Variants in CNTN5 observed in about 807,000 individuals in gnomAD.
CNTN5 encodes contactin-5.
A neutral mutation model predicts 129.1 loss-of-function variants in CNTN5; 77 were observed. The ratio of observed to expected loss-of-function variants is 0.60; its 90% CI spans 0.50 to 0.72. The LOEUF is 0.72. Ranked by LOEUF, CNTN5 falls within the 30% of genes least tolerant of loss-of-function variation. The pLI, the probability that CNTN5 is intolerant of heterozygous loss-of-function variation, is 0.00. For missense variants in CNTN5, 1,478 were observed against 1,328.8 expected, an observed-to-expected ratio of 1.11 and a Z score of -1.75; for synonymous variants, 509 against 465.6, an observed-to-expected ratio of 1.09 and a Z score of -1.20.
At chr11:99,862,499 G>C (rs1021376685) in intron 6 of CNTN5, among the ~76,000 whole-genome samples, 7 of 151,824 alleles carry the variant, frequency 4.6e-5, no homozygotes, top group Non-Finnish European at 1.0e-4. Context: ...GCACAGTATT[G>C]TACAAAGGAG....
chr11:100,167,800 T>G (rs2138392405), intron 13 of CNTN5, among the ~76,000 whole-genome samples: 1 of 152,066 alleles, frequency 6.6e-6, no homozygotes, highest in Admixed American at 6.6e-5. Context: ...GTGATTAAAC[T>G]TGTTGAAGAA....
intron 8 of CNTN5, among the ~76,000 whole-genome samples, chr11:99,991,847 C>A (rs1281207856): frequency 1.3e-5 from 2 of 152,126 alleles, no homozygotes. Context: ...GCTGCCCATT[C>A]ATGAATCACT....
At chr11:100,029,561 C>T (rs112363360) in intron 9 of CNTN5, among the ~76,000 whole-genome samples, 2,894 of 151,520 alleles carry the variant, frequency 0.019, 53 homozygotes, top group Non-Finnish European at 0.029. Flanking sequence ...CCAGCCTGGG[C>T]AACAGCGAGA....
intron 1 of CNTN5, among the ~76,000 whole-genome samples, chr11:99,200,091 A>G (rs1198887121): frequency 6.6e-6 from 1 of 152,040 alleles, no homozygotes; most frequent in Non-Finnish European, 1.5e-5. Flanking sequence ...CTGTGGTTAT[A>G]CTTTCAGATT....
At chr11:100,065,282 TCTA>T (rs1372835403) in intron 10 of CNTN5, among the ~76,000 whole-genome samples, 3 of 152,096 alleles carry the variant, frequency 2.0e-5, no homozygotes, top group Non-Finnish European at 4.4e-5. Context: ...TTCAAAATAG[TCTA>T]CTTTTTTTTT....
chr11:99,873,150 A>G (rs1248866674), intron 6 of CNTN5, among the ~76,000 whole-genome samples: 1 of 152,074 alleles, frequency 6.6e-6, no homozygotes, highest in Non-Finnish European at 1.5e-5. Context: ...CCACATCCCA[A>G]TCTCAGACCT....
At chr11:99,083,909 G>T (rs1865901729) in intron 1 of CNTN5, among the ~76,000 whole-genome samples, 1 of 152,128 alleles carries the variant, frequency 6.6e-6, no homozygotes, top group South Asian at 2.1e-4. Flanking sequence ...CCTTAATGTA[G>T]ATTTCTGGCA....
At chr11:99,618,842 A>G (rs1340474624) in intron 3 of CNTN5, among the ~76,000 whole-genome samples, 1 of 152,124 alleles carries the variant, frequency 6.6e-6, no homozygotes, top group African/African-American at 2.4e-5. Context: ...CCATAAATAA[A>G]TGCATACACC....
In CNTN5 at chr11:99,819,729, A is replaced by G. The variant is rs764702381; in HGVS notation, c.241A>G (p.Asn81Asp). The G allele has an allele frequency of 5.0e-6, 8 of 1,609,396 alleles. No individual in the cohort carries two copies. In the South Asian group the frequency reaches 6.6e-5, roughly 13 times the overall value. The change falls in exon 4 of 25, where the codon AAT becomes GAT. Residue 81 changes from asparagine to aspartate, a missense_variant. Asn to Asp is a conservative substitution (Grantham distance 23, BLOSUM62 1). Coordinates refer to ENST00000524871, the MANE Select transcript of CNTN5 (RefSeq NM_014361.4). ...GAAQNYYSPINLYHSSDAFKQ... is the reference protein window; with the variant it reads ...GAAQNYYSPIDLYHSSDAFKQ... The stretch of plus-strand genomic sequence containing the variant: ...AGCTCAGAATTATTATTCCCCCATC[A>G]ATCTTTATCATTCCTCAGATGCCTT...
At chr11:99,514,405 A>C (rs1157733198) in intron 2 of CNTN5, among the ~76,000 whole-genome samples, 2 of 152,120 alleles carry the variant, frequency 1.3e-5, no homozygotes, top group African/African-American at 2.4e-5. Context: ...ATTCTGAAAG[A>C]CATTCTACCA....
At chr11:99,240,227 C>A (rs1427745767) in intron 1 of CNTN5, among the ~76,000 whole-genome samples, 2 of 152,058 alleles carry the variant, frequency 1.3e-5, no homozygotes, top group Non-Finnish European at 2.9e-5. Context: ...CTTTAAATTT[C>A]ATAGGATTTT....
intron 13 of CNTN5, among the ~76,000 whole-genome samples, chr11:100,139,395 G>A (rs1223032010): frequency 1.3e-5 from 2 of 152,186 alleles, no homozygotes; most frequent in African/African-American, 4.8e-5. Flanking sequence ...AGAGCAGAAA[G>A]TATTTCAAGG....
intron 3 of CNTN5, among the ~76,000 whole-genome samples, chr11:99,663,847 A>G (rs887296538): frequency 2.0e-5 from 3 of 152,210 alleles, no homozygotes; most frequent in Non-Finnish European, 2.9e-5. Context: ...AGTCTCAGGT[A>G]GTATCTTTAT....
At chr11:99,977,965 T>C (rs919913232) in intron 8 of CNTN5, among the ~76,000 whole-genome samples, 44 of 152,346 alleles carry the variant, frequency 2.9e-4, no homozygotes, top group African/African-American at 1.0e-3. Flanking sequence ...TGTATTTTGG[T>C]TGAATTACAG....
chr11:99,037,248 C>G (rs1266034941), intron 1 of CNTN5, among the ~76,000 whole-genome samples: 1 of 152,192 alleles, frequency 6.6e-6, no homozygotes, highest in Non-Finnish European at 1.5e-5. Flanking sequence ...TTCTCTCCCT[C>G]TATTCTCCAA....
At chr11:100,080,016 T>G (rs1456179234) in intron 13 of CNTN5, among the ~76,000 whole-genome samples, 1 of 152,186 alleles carries the variant, frequency 6.6e-6, no homozygotes, top group Non-Finnish European at 1.5e-5. Context: ...AAGACAATCT[T>G]AGCTAAAATG....
chr11:99,722,686 C>A (rs550298990), intron 3 of CNTN5, among the ~76,000 whole-genome samples: 10 of 152,050 alleles, frequency 6.6e-5, no homozygotes, highest in Admixed American at 6.5e-4. Context: ...CTAAAAAATA[C>A]AAGGTACAGT....
At chr11:99,073,374 G>GTT (rs750531770) in intron 1 of CNTN5, among the ~76,000 whole-genome samples, 6 of 61,194 alleles carry the variant, frequency 9.8e-5, no homozygotes, top group Non-Finnish European at 1.8e-4. Context: ...TTATGGTTTG[G>GTT]TTTTTTTTTT....
intron 24 of CNTN5, among the ~76,000 whole-genome samples, chr11:100,353,199 T>C (rs1952453187): frequency 6.6e-6 from 1 of 151,578 alleles, no homozygotes; most frequent in Non-Finnish European, 1.5e-5. Flanking sequence ...TTAATAAAAT[T>C]TGGGCAGTGC....
Sources: gnomAD v4.1 joint callset for allele counts (sites outside exome capture counted in the v4.1 genomes callset) on GRCh38, gnomAD v4.1.1 for gene constraint, MANE v1.5 for transcripts, NCBI Gene and HGNC (gene_info 2026-07-23, HGNC 2026-07-21) for gene names.